The following ZNF98 variants were observed in gnomAD, a reference collection of about 807,000 sequenced individuals.
ZNF98 encodes the protein zinc finger protein 739.
A neutral mutation model predicts 12.8 loss-of-function variants in ZNF98; 8 were observed. That is an observed-to-expected ratio of 0.63 (90% CI 0.37 to 1.13). The LOEUF (loss-of-function observed/expected upper bound fraction) is 1.13, where lower values mean the gene tolerates loss of function less well. Ranked by LOEUF, ZNF98 falls within the 50% of genes most tolerant of loss-of-function variation. The pLI, the probability that ZNF98 is intolerant of heterozygous loss-of-function variation, is 0.01. For synonymous variants in ZNF98, 112 were observed against 223.5 expected, an observed-to-expected ratio of 0.50 and a Z score of 4.45; for missense variants, 379 against 666.1, an observed-to-expected ratio of 0.57 and a Z score of 4.74.
At chr19:22,408,813 C>T (rs3973368) in intron 1 of ZNF98, among the ~76,000 whole-genome samples, 9 of 152,132 alleles carry the variant, frequency 5.9e-5, no homozygotes, top group African/African-American at 2.2e-4. Flanking sequence ...AAAAACATCC[C>T]ATCCTTATGG....
intron 1 of ZNF98, among the ~76,000 whole-genome samples, chr19:22,420,469 T>C (rs372451449): frequency 2.2e-4 from 34 of 152,310 alleles, no homozygotes; most frequent in African/African-American, 7.9e-4. Context: ...AATATCAGCA[T>C]GTGATTGGTG....
At chr19:22,420,120 G>A (rs906851177) in intron 1 of ZNF98, among the ~76,000 whole-genome samples, 6 of 152,178 alleles carry the variant, frequency 3.9e-5, no homozygotes, top group Middle Eastern at 3.4e-3. Flanking sequence ...CCAAGATCGC[G>A]CCACTGCACT....
intron 1 of ZNF98, among the ~76,000 whole-genome samples, chr19:22,410,328 T>C (rs1364051746): frequency 1.3e-5 from 2 of 152,130 alleles, no homozygotes; most frequent in Non-Finnish European, 2.9e-5. Flanking sequence ...CTAATTACAA[T>C]GGCAAAGACA....
Position 22,411,604 on chromosome 19 carries a change from A to G in ZNF98, c.31-8092T>C, listed in dbSNP as rs1969580973. Among the ~76,000 whole-genome samples the G allele has an allele frequency of 2.6e-5, 4 of 152,246 alleles. 1 individual carries two copies. The highest frequency in any genetic ancestry group is 2.6e-4 in the Admixed American group (4 of 15,284). Reference sequence around the variant, plus strand: ...TGAATCTCAGGTTACAAATAAAGACAATTCTGAGTCAAAAAGAATGATAAA... The same window carrying G: ...TGAATCTCAGGTTACAAATAAAGACGATTCTGAGTCAAAAAGAATGATAAA... On this transcript the variant is annotated intron_variant, in intron 1 of 3. Coordinates refer to ENST00000357774, the MANE Select transcript of ZNF98 (RefSeq NM_001098626.2).
rs547555823 is a variant in ZNF98 at position 22,422,336 on chromosome 19, G to C, written c.-112C>G. The C allele has an allele frequency of 2.2e-6, 3 of 1,346,890 alleles. No individual in the cohort carries two copies. The East Asian group carries it at 7.3e-5, about 33-fold the overall frequency. The allele number at this position is 1,346,890 out of a possible 1,614,324, so 83.4% of individuals were successfully genotyped here. On this transcript the variant is annotated 5_prime_UTR_variant, in exon 1 of 4. Transcript: ENST00000357774. Reference sequence around the variant, plus strand: ...AGACCAGGAACTCCGGCTGCAGCGAGAGACAAAGACCCCGCCACATCCCGG... The same window carrying C: ...AGACCAGGAACTCCGGCTGCAGCGACAGACAAAGACCCCGCCACATCCCGG...
Position 22,403,386 on chromosome 19 carries a change from C to T in ZNF98, c.157G>A (p.Gly53Ser). 6.5e-7 allele frequency: 1 copy of T among 1,542,208 alleles called. No individual in the cohort carries two copies. The highest frequency in any genetic ancestry group is 8.9e-7 in the Non-Finnish European group (1 of 1,125,536). The change falls in exon 2 of 4, where the codon GGT (glycine) becomes AGT (serine). Residue 53 changes from glycine (G) to serine (S), a missense_variant and splice_region_variant. This residue lies in a region of ZNF98 where 223 missense variants were observed against 261.6 expected (regional missense o/e 0.85). Coordinates refer to ENST00000357774, the MANE Select transcript of ZNF98 (RefSeq NM_001098626.2). ...LENYRNLVFV[G>S]IAASKPDLIT... is the part of the protein sequence containing the mutation. ...AATTGTATATTGAAGTTATCCTCACCCACAAAGACCAGGTTTCTGTAGTTC... is the reference window on the plus strand; with the variant it reads ...AATTGTATATTGAAGTTATCCTCACTCACAAAGACCAGGTTTCTGTAGTTC...
intron 3 of ZNF98, among the ~76,000 whole-genome samples, chr19:22,396,502 A>G: frequency 6.6e-6 from 1 of 152,154 alleles, no homozygotes. Flanking sequence ...AATAATTAAA[A>G]ATGTAACAGT....
chr19:22,420,276 A>T (rs551390639), intron 1 of ZNF98, among the ~76,000 whole-genome samples: 1 of 152,050 alleles, frequency 6.6e-6, no homozygotes, highest in Non-Finnish European at 1.5e-5. Flanking sequence ...CTCAGTGACC[A>T]CTCTCTTAGG....
Position 22,394,602 on chromosome 19 carries a change from C to T in ZNF98, c.254-1621G>A, listed in dbSNP as rs552031200. Among the ~76,000 whole-genome samples the T allele has an allele frequency of 2.5e-3, 373 of 151,854 alleles. 3 individuals are homozygous for T. Among genetic ancestry groups the T allele is most frequent in the African/African-American group, 8.6e-3 (358 of 41,390 alleles). Reference sequence around the variant, plus strand: ...ATCACAAGGACAGAAAACCAAACACCGCATGTTCTCACTCATAGGTGGGAA... The same window carrying T: ...ATCACAAGGACAGAAAACCAAACACTGCATGTTCTCACTCATAGGTGGGAA... On this transcript the variant is annotated intron_variant, in intron 3 of 3. Transcript: ENST00000357774.
At chr19:22,418,996 G>A (rs753524970) in intron 1 of ZNF98, among the ~76,000 whole-genome samples, 17 of 152,110 alleles carry the variant, frequency 1.1e-4, no homozygotes, top group South Asian at 6.2e-4. Flanking sequence ...AATCTGAGTC[G>A]AAATACAACC....
intron 3 of ZNF98, among the ~76,000 whole-genome samples, chr19:22,395,020 A>G (rs1969374019): frequency 6.6e-6 from 1 of 151,952 alleles, no homozygotes; most frequent in Admixed American, 6.6e-5. Flanking sequence ...TAAAAATACA[A>G]AAGTAGCTGA....
At chr19:22,399,113 G>C (rs1009377822) in intron 3 of ZNF98, among the ~76,000 whole-genome samples, 3 of 152,010 alleles carry the variant, frequency 2.0e-5, no homozygotes. Context: ...CTGAAAAAAC[G>C]CATTAATATG....
At chr19:22,405,596 A>G (rs1969510726) in intron 1 of ZNF98, among the ~76,000 whole-genome samples, 2 of 152,182 alleles carry the variant, frequency 1.3e-5, no homozygotes, top group Non-Finnish European at 2.9e-5. Flanking sequence ...CACAAACGGA[A>G]AGATTTCACT....
intron 1 of ZNF98, among the ~76,000 whole-genome samples, chr19:22,406,460 C>T (rs1462077717): frequency 2.6e-5 from 4 of 152,040 alleles, no homozygotes; most frequent in Admixed American, 2.6e-4. Context: ...TAACCTCATC[C>T]AAGAGTCAGC....
chr19:22,421,430 G>A (rs1969702390), intron 1 of ZNF98, among the ~76,000 whole-genome samples: 1 of 152,100 alleles, frequency 6.6e-6, no homozygotes, highest in African/African-American at 2.4e-5. Flanking sequence ...CCACGTGGCG[G>A]CAAATAGACT....
rs138762234 is a variant in ZNF98 at position 22,391,621 on chromosome 19, C to T, written c.1614G>A (p.Met538Ile). The T allele has an allele frequency of 6.2e-6, 10 of 1,613,254 alleles. No individual in the cohort carries two copies. In the African/African-American group the frequency reaches 6.7e-5, roughly 11 times the overall value. The change falls in exon 4 of 4, where the codon ATG becomes ATA. Residue 538 changes from methionine to isoleucine, a missense_variant. By Grantham distance (10) the Met-to-Ile change is conservative. Transcript: ENST00000357774. ...NNSSILNRHKMIHTGEKLYKP... is the reference protein window; with the variant it reads ...NNSSILNRHKIIHTGEKLYKP... ...TGTAGAGTTTCTCTCCAGTATGAAT[C>T]ATCTTATGTCTGTTAAGAATAGAGG...
Position 22,392,822 on chromosome 19 carries a change from C to T in ZNF98, c.413G>A (p.Cys138Tyr), listed in dbSNP as rs1487620716. ...CAAACACTGGTTAAGTCCATTGTAA[C>T]ATTCTTTGTGCACCTTACACTCATC... is the stretch of plus-strand genomic sequence containing the variant. ...SMDECKVHKE[C>Y]YNGLNQCLTT... Residue 138 changes from cysteine to tyrosine, a missense_variant, in exon 4 of 4, where the codon TGT (cysteine) becomes TAT (tyrosine). This residue lies in a region of ZNF98 where 223 missense variants were observed against 261.6 expected (regional missense o/e 0.85). Transcript: ENST00000357774. 4 of 1,612,422 alleles carry T rather than the reference C, an allele frequency of 2.5e-6. No homozygotes were observed. The highest frequency in any genetic ancestry group is 2.2e-5 in the East Asian group (1 of 44,850).
Position 22,391,515 on chromosome 19 carries a change from A to G in ZNF98, c.*1T>C. On this transcript the variant is annotated 3_prime_UTR_variant, in exon 4 of 4. Coordinates refer to ENST00000357774, the MANE Select transcript of ZNF98 (RefSeq NM_001098626.2). ...AAGGCTTTGTCACATTCATATTTCT[A>G]TTATTTCTCACCAGCACAATTTCTT... The G allele has an allele frequency of 5.2e-6, 8 of 1,551,326 alleles. No individual in the cohort carries two copies. The highest frequency in any genetic ancestry group is 7.0e-6 in the Non-Finnish European group (8 of 1,149,484).
chr19:22,402,061 A>C (rs1969463880), intron 3 of ZNF98, among the ~76,000 whole-genome samples: 1 of 150,764 alleles, frequency 6.6e-6, no homozygotes, highest in African/African-American at 2.4e-5. Flanking sequence ...CTGTATTCCC[A>C]GCTACTCAGG....
Sources: gnomAD v4.1 joint callset for allele counts (sites outside exome capture counted in the v4.1 genomes callset) on GRCh38, gnomAD v4.1.1 for gene constraint, gnomAD v4.1.1 regional missense constraint, MANE v1.5 for transcripts, NCBI Gene and HGNC (gene_info 2026-07-23, HGNC 2026-07-21) for gene names.